The following PRG4 variants were observed in gnomAD, a reference collection of about 807,000 sequenced individuals.
The protein encoded by PRG4 is proteoglycan 4.
Under a neutral mutation model 91.2 loss-of-function variants are expected in PRG4, and 61 were observed. The observed-to-expected ratio is 0.67, with a 90% CI of 0.54 to 0.83. PRG4 has a LOEUF of 0.83. Ranked by LOEUF, PRG4 falls within the 40% of genes least tolerant of loss-of-function variation. The probability of loss-of-function intolerance (pLI) is 0.00; values close to 1 mark genes in which losing one functional copy is unlikely to be tolerated. For missense variants in PRG4, 1,564 were observed against 1,714.2 expected (o/e 0.91, Z 1.55); for synonymous variants, 576 against 614.2 (o/e 0.94, Z 0.92).
In PRG4 at chr1:186,307,168, ACCCACTGCCCCCAAGAAGCCTGC is replaced by A. The variant is rs1656684092; in HGVS notation, c.1454_1476del (p.Thr485AsnfsTer146). 6.8e-7 allele frequency: 1 copy of A among 1,479,818 alleles called. No individual in the cohort carries two copies. The highest frequency in any genetic ancestry group is 1.9e-5 in the Admixed American group (1 of 52,732). The allele number at this position is 1,479,818 out of a possible 1,614,324, so 91.7% of individuals were successfully genotyped here. On this transcript the variant is annotated frameshift_variant, in exon 7 of 13. Coordinates refer to ENST00000445192, the MANE Select transcript of PRG4 (RefSeq NM_005807.6). LOFTEE classifies it high-confidence loss of function. ...CACCCACCACTCCCAAAGAGCCTGCACCCACTGCCCCCAAGAAGCCTGCCCCAACTACCCCCAAGGAGCCTGCA... is the reference window on the plus strand; with the variant it reads ...CACCCACCACTCCCAAAGAGCCTGCACCCAACTACCCCCAAGGAGCCTGCA...
chr1:186,301,477 A>T (rs1656215290), intron 3 of PRG4, 115 bp from the exon 4 acceptor site: 4 of 1,434,248 alleles, frequency 2.8e-6, no homozygotes, highest in African/African-American at 2.8e-5. Flanking sequence ...CAAATAAAAG[A>T]CTTAGAAATG....
chr1:186,305,791 CA>C (rs2102018943), intron 6 of PRG4, among the ~76,000 whole-genome samples: 1 of 152,226 alleles, frequency 6.6e-6, no homozygotes, highest in South Asian at 2.1e-4. Context: ...CTGGGACCTG[CA>C]AGGTTAGCTG....
At chr1:186,313,414 T>C in intron 12 of PRG4, 1 of 404,138 alleles carries the variant, frequency 2.5e-6, no homozygotes, top group South Asian at 3.5e-5. Flanking sequence ...TTTTCAAACT[T>C]GGTTACTCTT....
rs1471048157 is a variant in PRG4 at position 186,314,400 on chromosome 1, GAAATCAAT to G, written c.*627_*634del. On this transcript the variant is annotated 3_prime_UTR_variant, in exon 13 of 13. Coordinates refer to ENST00000445192, the MANE Select transcript of PRG4 (RefSeq NM_005807.6). ...CAAATCTTAATTTGGATTTAAGGAA[GAAATCAAT>G]AAATATAAAATATAAGCACATATTT... The G allele has an allele frequency of 2.8e-6, 1 of 355,894 alleles. No homozygotes were observed. Among genetic ancestry groups the G allele is most frequent in the Non-Finnish European group, 5.0e-6 (1 of 199,676 alleles). The allele number at this position is 355,894 out of a possible 1,614,324, so 22.0% of individuals were successfully genotyped here.
At chr1:186,303,614 G>C (rs1656359595) in intron 4 of PRG4, among the ~76,000 whole-genome samples, 1 of 151,960 alleles carries the variant, frequency 6.6e-6, no homozygotes, top group African/African-American at 2.4e-5. Flanking sequence ...GTGAAGGTGT[G>C]AACTTTTCAC....
At chr1:186,311,334 AC>A in intron 9 of PRG4, 105 bp from the exon 10 acceptor site, 2 of 1,433,932 alleles carry the variant, frequency 1.4e-6, no homozygotes, top group Non-Finnish European at 2.0e-6. Context: ...TCAAAATTCA[AC>A]CGTTTAACCA....
Position 186,314,162 on chromosome 1 carries a change from G to C in PRG4, c.*384G>C, listed in dbSNP as rs1255570861. 1 of 709,040 alleles carries C rather than the reference G, an allele frequency of 1.4e-6. No homozygotes were observed. Among genetic ancestry groups the C allele is most frequent in the Non-Finnish European group, 2.3e-6 (1 of 440,866 alleles). 43.9% of individuals were successfully genotyped at this position (709,040 alleles called of 1,614,324 possible). On this transcript the variant is annotated 3_prime_UTR_variant, in exon 13 of 13. Transcript: ENST00000445192. The stretch of plus-strand genomic sequence containing the variant: ...CTGTTGGGTATTCTACAACTTCAAT[G>C]GAAATTATTACAAGCAGATTAATCC...
Position 186,311,160 on chromosome 1 carries a change from T to A in PRG4, c.3626T>A (p.Phe1209Tyr). Residue 1209 changes from phenylalanine (F) to tyrosine (Y), a missense_variant, in exon 9 of 13, where the codon TTC (phenylalanine) becomes TAC (tyrosine). Physicochemically the swap from Phe to Tyr is conservative, Grantham distance 22 (BLOSUM62 3). Transcript: ENST00000445192. ...AGGTGCAACTGTGAAGGAAAAACTT[T>A]CTTCTTTAAGGTAACACAAATATCT... is the stretch of plus-strand genomic sequence containing the variant. ...FTRCNCEGKT[F>Y]FFKDSQYWRF... The A allele has an allele frequency of 6.2e-7, 1 of 1,612,194 alleles. No homozygotes were observed. Among genetic ancestry groups the A allele is most frequent in the Non-Finnish European group, 8.5e-7 (1 of 1,178,274 alleles).
rs1557934791 is a variant in PRG4, at chr1:186,304,808, G to GA, written c.488dup (p.Asn163LysfsTer29). The GA allele has an allele frequency of 1.2e-6, 2 of 1,611,936 alleles. No homozygotes were observed. The highest frequency in any genetic ancestry group is 1.7e-4 in the Middle Eastern group (1 of 6,056). ...TTGATTTATAGAACATTCTGTTTCT[G>GA]AAAATCAAGAGTCCTCCTCCTCCTC... On this transcript the variant is annotated frameshift_variant, in exon 6 of 13. Transcript: ENST00000445192. LOFTEE classifies it high-confidence loss of function.
rs981273038 is a variant in PRG4 at position 186,313,911 on chromosome 1, A to C, written c.*133A>C. On this transcript the variant is annotated 3_prime_UTR_variant, in exon 13 of 13. Coordinates refer to ENST00000445192, the MANE Select transcript of PRG4 (RefSeq NM_005807.6). The stretch of plus-strand genomic sequence containing the variant: ...TATAAAAATGTTTTTAAACTTGACA[A>C]TCATTACACTAAAACAGATTTGATA... 126 of 1,569,388 alleles carry C rather than the reference A, an allele frequency of 8.0e-5. 1 individual carries two copies. The African/African-American group carries it at 1.3e-3, about 16-fold the overall frequency.
At position 186,296,914 on chromosome 1, in the gene PRG4, GCTGT is replaced by G. The variant is rs1445755743; in HGVS notation, c.44_47del (p.Ser15PhefsTer3). The stretch of plus-strand genomic sequence containing the variant: ...CACTTCCCATTTACCTGTTGTTGCT[GCTGT>G]CTGTTTTCGTGATTCAGCAAGTTTC... On this transcript the variant is annotated frameshift_variant, in exon 2 of 13. Coordinates refer to ENST00000445192, the MANE Select transcript of PRG4 (RefSeq NM_005807.6). LOFTEE classifies it high-confidence loss of function. 7 of 1,613,962 alleles carry G rather than the reference GCTGT, an allele frequency of 4.3e-6. No homozygotes were observed. Among genetic ancestry groups the G allele is most frequent in the Admixed American group, 1.7e-5 (1 of 60,016 alleles).
intron 2 of PRG4, among the ~76,000 whole-genome samples, chr1:186,298,304 T>A (rs1027748558): frequency 2.0e-5 from 3 of 152,012 alleles, no homozygotes; most frequent in Admixed American, 1.3e-4. Context: ...ATATCTTGAA[T>A]CCAGGAGGTG....
chr1:186,306,295 C>A (rs762466944), intron 6 of PRG4, 23 bp from the exon 7 acceptor site: 2 of 1,513,204 alleles, frequency 1.3e-6, no homozygotes, highest in Non-Finnish European at 1.8e-6. Context: ...TCTAAAATAA[C>A]AAGATGTATA....
At chr1:186,304,313 G>T in intron 5 of PRG4, 56 bp downstream of exon 5, 1 of 1,547,334 alleles carries the variant, frequency 6.5e-7, no homozygotes, top group African/African-American at 1.4e-5. Context: ...TAACTTGTAG[G>T]TGACTGCTTA....
intron 6 of PRG4, among the ~76,000 whole-genome samples, chr1:186,305,357 GA>G (rs1434302431): frequency 6.6e-6 from 1 of 151,928 alleles, no homozygotes; most frequent in African/African-American, 2.4e-5. Context: ...AACCTCTATG[GA>G]AAAAATATTA....
In PRG4 at chr1:186,309,930, C is replaced by T. The variant is rs1036474822; in HGVS notation, c.3499+60C>T. 27 of 1,429,050 alleles carry T rather than the reference C, an allele frequency of 1.9e-5. No homozygotes were observed. In the African/African-American group the frequency reaches 3.6e-4, roughly 19 times the overall value. The allele number at this position is 1,429,050 out of a possible 1,614,324, so 88.5% of individuals were successfully genotyped here. ...ATTCTGTTTTGGCATTTATGAGAACCAAAGCCGTGGAAGAGTGCTAGTTTG... is the reference window on the plus strand; with the variant it reads ...ATTCTGTTTTGGCATTTATGAGAACTAAAGCCGTGGAAGAGTGCTAGTTTG... On this transcript the variant is annotated intron_variant, in intron 8 of 12. Coordinates refer to ENST00000445192, the MANE Select transcript of PRG4 (RefSeq NM_005807.6).
intron 8 of PRG4, among the ~76,000 whole-genome samples, chr1:186,310,464 A>G (rs1314775343): frequency 6.6e-6 from 1 of 152,138 alleles, no homozygotes; most frequent in Non-Finnish European, 1.5e-5. Context: ...ATCTAAAGAG[A>G]TAGTGACTGT....
chr1:186,306,801 C>G lies in PRG4; in HGVS notation c.1082C>G (p.Thr361Ser), dbSNP rs114265897. ...ACCACTCCCAAGGAGCCTGCATCTA[C>G]CACACCCAAAGAGCCCACACCTACC... ...TPTTPKEPASTTPKEPTPTTI... is the reference protein window; with the variant it reads ...TPTTPKEPASSTPKEPTPTTI... The change falls in exon 7 of 13, where the codon ACC (threonine) becomes AGC (serine). Residue 361 changes from threonine (T) to serine (S), a missense_variant. Physicochemically the swap from Thr to Ser is moderately conservative, Grantham distance 58. Around this residue, in one of 3 missense-constraint regions of PRG4, gnomAD observed 437 missense variants for 459.0 expected, o/e 0.95. Transcript: ENST00000445192. The G allele has an allele frequency of 6.2e-7, 1 of 1,612,846 alleles. No homozygotes were observed. Among genetic ancestry groups the G allele is most frequent in the South Asian group, 1.1e-5 (1 of 91,036 alleles).
At chr1:186,296,705 A>G in intron 1 of PRG4, 141 bp from the exon 2 acceptor site, 1 of 618,452 alleles carries the variant, frequency 1.6e-6, no homozygotes, top group Non-Finnish European at 2.9e-6. Flanking sequence ...ATAAAATTAA[A>G]GCTGATTTAA....
Sources: gnomAD v4.1 joint callset for allele counts (sites outside exome capture counted in the v4.1 genomes callset) on GRCh38, gnomAD v4.1.1 for gene constraint, gnomAD v4.1.1 regional missense constraint, MANE v1.5 for transcripts, NCBI Gene and HGNC (gene_info 2026-07-23, HGNC 2026-07-21) for gene names.